Variants in GRID1 observed in about 807,000 individuals in gnomAD.
GRID1 encodes glutamate ionotropic receptor delta type subunit 1, also known as glutamate receptor ionotropic, delta-1.
GRID1 carries 28 observed loss-of-function variants against 98.0 expected under a neutral mutation model. The ratio of observed to expected loss-of-function variants is 0.29; its 90% CI spans 0.21 to 0.39. The LOEUF is 0.39. Ranked by LOEUF, GRID1 falls within the 10% of genes least tolerant of loss-of-function variation. GRID1 has a pLI of 1.00. For missense variants in GRID1, 1,111 were observed against 1,340.5 expected (o/e 0.83, Z 2.67); for synonymous variants, 553 against 538.5 (o/e 1.03, Z -0.37).
At chr10:85,901,672 A>G (rs1841391117) in intron 5 of GRID1, among the ~76,000 whole-genome samples, 1 of 152,196 alleles carries the variant, frequency 6.6e-6, no homozygotes, top group Non-Finnish European at 1.5e-5. Context: ...AGGAAATAAA[A>G]CAGTCACAGA....
In GRID1 at chr10:85,724,389, G is replaced by C. The variant is rs200091837; in HGVS notation, c.1821C>G (p.Ser607Arg). The change falls in exon 11 of 16, where the codon AGC becomes AGG. Residue 607 changes from serine (S) to arginine (R), a missense_variant. Coordinates refer to ENST00000327946, the MANE Select transcript of GRID1 (RefSeq NM_017551.3). ...AGGCTCCATAGACAATCCAGATGGC[G>C]CTGTGCAGAGTGGCAGAAGCTGACG... ...PRPSASATLH[S>R]AIWIVYGAFV... The C allele has an allele frequency of 4.3e-6, 7 of 1,613,982 alleles. No homozygotes were observed. Among genetic ancestry groups the C allele is most frequent in the Non-Finnish European group, 5.9e-6 (7 of 1,180,004 alleles).
At chr10:85,653,433 G>A (rs934844931) in intron 12 of GRID1, among the ~76,000 whole-genome samples, 2 of 152,200 alleles carry the variant, frequency 1.3e-5, no homozygotes, top group African/African-American at 4.8e-5. Context: ...TGGGGCTGAG[G>A]CCTGCTGGGG....
intron 2 of GRID1, among the ~76,000 whole-genome samples, chr10:86,233,053 G>A (rs1846481034): frequency 6.6e-6 from 1 of 152,158 alleles, no homozygotes; most frequent in South Asian, 2.1e-4. Flanking sequence ...GATAACCAAA[G>A]AGAGTACTTC....
At chr10:85,764,660 G>GT (rs994964918) in intron 8 of GRID1, among the ~76,000 whole-genome samples, 1 of 152,200 alleles carries the variant, frequency 6.6e-6, no homozygotes, top group Non-Finnish European at 1.5e-5. Context: ...GTCTAAGTTA[G>GT]TAAACCCATG....
At chr10:85,764,699 G>A (rs970061518) in intron 8 of GRID1, among the ~76,000 whole-genome samples, 1 of 152,172 alleles carries the variant, frequency 6.6e-6, no homozygotes, top group Admixed American at 6.5e-5. Flanking sequence ...TCTCCACTAA[G>A]TTAGTACCTT....
intron 12 of GRID1, among the ~76,000 whole-genome samples, chr10:85,684,146 A>C (rs1031982625): frequency 1.3e-5 from 2 of 152,240 alleles, no homozygotes; most frequent in Non-Finnish European, 1.5e-5. Flanking sequence ...AACCTAAACT[A>C]TAATGGACTA....
At chr10:85,659,181 G>A (rs1292206552) in intron 12 of GRID1, among the ~76,000 whole-genome samples, 2 of 152,246 alleles carry the variant, frequency 1.3e-5, no homozygotes, top group Non-Finnish European at 2.9e-5. Context: ...TTGCACATGT[G>A]TGTGCATGCA....
intron 3 of GRID1, among the ~76,000 whole-genome samples, chr10:86,143,254 G>GT: frequency 6.6e-6 from 1 of 152,320 alleles, no homozygotes; most frequent in Middle Eastern, 3.4e-3. Flanking sequence ...TGGAGGCAGA[G>GT]TAACAGTGAG....
At chr10:86,317,528 G>A (rs1847915644) in intron 2 of GRID1, among the ~76,000 whole-genome samples, 2 of 151,942 alleles carry the variant, frequency 1.3e-5, no homozygotes, top group African/African-American at 4.8e-5. Flanking sequence ...CATTTCTTGG[G>A]AACACACATC....
At chr10:86,214,532 C>T (rs376166583) in intron 2 of GRID1, among the ~76,000 whole-genome samples, 13 of 152,322 alleles carry the variant, frequency 8.5e-5, no homozygotes, top group African/African-American at 3.1e-4. Context: ...TCACTGCTTA[C>T]CCGCCCCCCT....
chr10:86,356,284 A>G (rs912650552), intron 2 of GRID1, among the ~76,000 whole-genome samples: 1 of 152,226 alleles, frequency 6.6e-6, no homozygotes, highest in Non-Finnish European at 1.5e-5. Flanking sequence ...TCCCGTACCC[A>G]AAACTGTTTT....
intron 4 of GRID1, among the ~76,000 whole-genome samples, chr10:85,937,999 T>C (rs1290706103): frequency 6.6e-6 from 1 of 152,232 alleles, no homozygotes; most frequent in Non-Finnish European, 1.5e-5. Flanking sequence ...ATGTGATCTA[T>C]CAACATCTAG....
At chr10:86,364,429 C>G (rs1848646872) in intron 1 of GRID1, among the ~76,000 whole-genome samples, 1 of 152,238 alleles carries the variant, frequency 6.6e-6, no homozygotes. Context: ...CTAAGCCAAG[C>G]TGGGGTGGCC....
At chr10:85,679,655 A>T (rs1011565520) in intron 12 of GRID1, among the ~76,000 whole-genome samples, 9 of 152,184 alleles carry the variant, frequency 5.9e-5, no homozygotes, top group African/African-American at 2.2e-4. Flanking sequence ...GGTCTGTTAG[A>T]CTAAATGTCT....
At chr10:85,967,175 T>C (rs1308067395) in intron 4 of GRID1, among the ~76,000 whole-genome samples, 3 of 152,298 alleles carry the variant, frequency 2.0e-5, no homozygotes, top group East Asian at 3.9e-4. Flanking sequence ...GAACTGTGAG[T>C]CAATTAAACC....
At chr10:86,330,950 C>A (rs1589451521) in intron 2 of GRID1, among the ~76,000 whole-genome samples, 2 of 151,802 alleles carry the variant, frequency 1.3e-5, no homozygotes, top group East Asian at 3.9e-4. Context: ...GGCAGGAGGG[C>A]CTGGAGGCCA....
At chr10:86,238,668 CA>C (rs931719950) in intron 2 of GRID1, among the ~76,000 whole-genome samples, 3,851 of 47,012 alleles carry the variant, frequency 0.082, 66 homozygotes, top group African/African-American at 0.2. Flanking sequence ...GATTCCATCT[CA>C]AAAAAAAAAA....
chr10:86,018,802 T>C (rs1363388311), intron 4 of GRID1, among the ~76,000 whole-genome samples: 1 of 152,238 alleles, frequency 6.6e-6, no homozygotes, highest in Non-Finnish European at 1.5e-5. Flanking sequence ...GGCTGCCATG[T>C]GTTTCAACAG....
intron 13 of GRID1, among the ~76,000 whole-genome samples, chr10:85,625,953 G>A (rs548669398): frequency 1.3e-5 from 2 of 152,290 alleles, no homozygotes; most frequent in East Asian, 3.9e-4. Flanking sequence ...TTTAAGGCAA[G>A]AACCTCATTA....
Sources: gnomAD v4.1 joint callset for allele counts (sites outside exome capture counted in the v4.1 genomes callset) on GRCh38, gnomAD v4.1.1 for gene constraint, MANE v1.5 for transcripts, NCBI Gene and HGNC (gene_info 2026-07-23, HGNC 2026-07-21) for gene names.